AFF1: variants seen among roughly 807,000 people sequenced by gnomAD.
AFF1 encodes AF4/FMR2 family member 1.
A neutral mutation model predicts 121.7 loss-of-function variants in AFF1; 48 were observed. That is an observed-to-expected ratio of 0.39 (90% CI 0.31 to 0.50). AFF1 has a LOEUF of 0.50. Among genes scored for constraint, AFF1 ranks in the 20% least tolerant of loss-of-function variants. The pLI is 0.76. For missense variants in AFF1, 1,523 were observed against 1,511.7 expected (o/e 1.01, Z -0.12); for synonymous variants, 613 against 563.0 (o/e 1.09, Z -1.26).
chr4:87,106,335 A>G (rs914633794), intron 10 of AFF1, among the ~76,000 whole-genome samples: 4 of 152,240 alleles, frequency 2.6e-5, no homozygotes, highest in Non-Finnish European at 1.5e-5. Flanking sequence ...GTGAGCTGAA[A>G]TCGTGCCACT....
At position 87,114,356 on chromosome 4, in the gene AFF1, C is replaced by T; in HGVS notation, c.1534-11C>T. 3.8e-6 allele frequency: 6 copies of T among 1,576,802 alleles called. No individual in the cohort carries two copies. Among genetic ancestry groups the T allele is most frequent in the Non-Finnish European group, 5.1e-6 (6 of 1,168,952 alleles). Reference sequence around the variant, plus strand: ...GTCAGTTAACACTTTTCTTTCTTTCCTTATTTTTAGCCTGAGCCTCCAACA... The same window carrying T: ...GTCAGTTAACACTTTTCTTTCTTTCTTTATTTTTAGCCTGAGCCTCCAACA... On this transcript the variant is annotated splice_polypyrimidine_tract_variant and intron_variant, in intron 11 of 20. Transcript: ENST00000395146.
intron 1 of AFF1, among the ~76,000 whole-genome samples, chr4:86,939,748 A>G (rs1324323399): frequency 6.6e-6 from 1 of 152,222 alleles, no homozygotes; most frequent in Non-Finnish European, 1.5e-5. Context: ...TCTCAGACCT[A>G]TAATGTACTC....
Position 87,111,118 on chromosome 4 carries a change from C to T in AFF1, c.1533+2803C>T, listed in dbSNP as rs1394744987. On this transcript the variant is annotated intron_variant, in intron 11 of 20. Coordinates refer to ENST00000395146, the MANE Select transcript of AFF1 (RefSeq NM_001166693.3). ...CGCCTCCCGGGTTCACGCCATTCTCCTGCCTCAGCCTCCCGAGTAGCTGGG... is the reference window on the plus strand; with the variant it reads ...CGCCTCCCGGGTTCACGCCATTCTCTTGCCTCAGCCTCCCGAGTAGCTGGG... Among the ~76,000 whole-genome samples the T allele has an allele frequency of 2.3e-5, 2 of 85,580 alleles. 1 individual carries two copies. Among genetic ancestry groups the T allele is most frequent in the Non-Finnish European group, 5.1e-5 (2 of 39,490 alleles). 56.1% of individuals were successfully genotyped at this position (85,580 alleles called of 152,430 possible).
At chr4:86,984,470 C>T (rs1222642127) in intron 2 of AFF1, among the ~76,000 whole-genome samples, 4 of 152,042 alleles carry the variant, frequency 2.6e-5, no homozygotes, top group South Asian at 2.1e-4. Context: ...ACTAGGCGCA[C>T]GTCACCATGT....
chr4:87,129,100 A>T (rs1236911158), intron 16 of AFF1, among the ~76,000 whole-genome samples: 1 of 152,190 alleles, frequency 6.6e-6, no homozygotes, highest in Non-Finnish European at 1.5e-5. Flanking sequence ...TGTACATCCC[A>T]GTGTGCCAGG....
intron 10 of AFF1, among the ~76,000 whole-genome samples, chr4:87,107,729 G>A (rs1726061949): frequency 6.6e-6 from 1 of 152,200 alleles, no homozygotes; most frequent in South Asian, 2.1e-4. Context: ...GGCCATATAT[G>A]TCTCTATTGC....
chr4:87,047,106 GACC>G lies in AFF1; in HGVS notation c.574_576del (p.His192del). 6.2e-7 allele frequency: 1 copy of G among 1,614,188 alleles called. No individual in the cohort carries two copies. The highest frequency in any genetic ancestry group is 8.5e-7 in the Non-Finnish European group (1 of 1,180,042). ...GAAAGGTGACCGAAGAGCTGACGGA[GACC>G]ACTGTGCTTCGGTGACAGATTCGGC... On this transcript the variant is annotated inframe_deletion, in exon 4 of 21. Coordinates refer to ENST00000395146, the MANE Select transcript of AFF1 (RefSeq NM_001166693.3).
chr4:87,112,720 T>C (rs184136984), intron 11 of AFF1, among the ~76,000 whole-genome samples: 78 of 152,360 alleles, frequency 5.1e-4, no homozygotes, highest in African/African-American at 1.8e-3. Context: ...TACCGGAGTG[T>C]TCTCCTTATC....
At chr4:87,113,943 G>A (rs1461700028) in intron 11 of AFF1, among the ~76,000 whole-genome samples, 1 of 152,134 alleles carries the variant, frequency 6.6e-6, no homozygotes. Flanking sequence ...AGGATAAAAT[G>A]TGAGCCCACT....
chr4:87,008,192 A>G (rs536675186), intron 2 of AFF1, among the ~76,000 whole-genome samples: 1 of 152,332 alleles, frequency 6.6e-6, no homozygotes, highest in South Asian at 2.1e-4. Context: ...GGAGTTATAT[A>G]TACATTCTCT....
At chr4:87,026,872 T>C (rs987963881) in intron 2 of AFF1, among the ~76,000 whole-genome samples, 1 of 152,204 alleles carries the variant, frequency 6.6e-6, no homozygotes, top group Non-Finnish European at 1.5e-5. Flanking sequence ...AATAGAACCA[T>C]AGACTCAATC....
intron 2 of AFF1, among the ~76,000 whole-genome samples, chr4:87,040,545 G>A (rs1328032464): frequency 1.3e-5 from 2 of 150,314 alleles, no homozygotes; most frequent in African/African-American, 2.5e-5. Context: ...CCATTTGTGA[G>A]CAAGTCAATC....
At chr4:86,951,703 A>G (rs1326566667) in intron 2 of AFF1, among the ~76,000 whole-genome samples, 1 of 142,892 alleles carries the variant, frequency 7.0e-6, no homozygotes, top group African/African-American at 2.7e-5. Context: ...GCTCACTACA[A>G]CCTCCACCTC....
intron 2 of AFF1, among the ~76,000 whole-genome samples, chr4:87,040,944 C>T (rs1346657711): frequency 7.7e-6 from 1 of 129,944 alleles, no homozygotes; most frequent in Admixed American, 8.9e-5. Flanking sequence ...GGCATGATCT[C>T]GGCTCAGTGC....
rs1729579576 is a variant in AFF1, at chr4:87,139,812, A to G, written c.*4111A>G. ...GATATTGCCACCATGTGAACCTCAA[A>G]TATGCAATCCAGTTGTGTTGGTTTC... On this transcript the variant is annotated 3_prime_UTR_variant, in exon 21 of 21. Transcript: ENST00000395146. 4.4e-6 allele frequency: 1 copy of G among 225,274 alleles called. No homozygotes were observed. Among genetic ancestry groups the G allele is most frequent in the Non-Finnish European group, 8.8e-6 (1 of 113,508 alleles). The allele number at this position is 225,274 out of a possible 1,614,324, so 14.0% of individuals were successfully genotyped here. A position where few individuals can be genotyped will look rare whatever the true frequency, so the allele number is the denominator to read the frequency against.
chr4:87,013,515 G>A (rs1185128874), intron 2 of AFF1, among the ~76,000 whole-genome samples: 2 of 152,068 alleles, frequency 1.3e-5, no homozygotes, highest in Non-Finnish European at 2.9e-5. Flanking sequence ...TTTTCAAAGG[G>A]CACTCACTGT....
At chr4:86,991,171 G>A (rs923134731) in intron 2 of AFF1, among the ~76,000 whole-genome samples, 2 of 151,978 alleles carry the variant, frequency 1.3e-5, no homozygotes, top group Admixed American at 1.3e-4. Flanking sequence ...AAAAACCGGC[G>A]CAGTGGCTCA....
intron 2 of AFF1, among the ~76,000 whole-genome samples, chr4:86,996,245 C>T (rs1404327151): frequency 3.3e-5 from 5 of 151,748 alleles, no homozygotes; most frequent in African/African-American, 4.8e-5. Context: ...TCATTGAGAA[C>T]GGGCCATGAT....
intron 15 of AFF1, 118 bp from the exon 16 acceptor site, chr4:87,127,525 T>C (rs1728401707): frequency 1.1e-6 from 1 of 884,984 alleles, no homozygotes; most frequent in Non-Finnish European, 1.8e-6. Flanking sequence ...TCCTTCTTTG[T>C]TTACCCTCTC....
Sources: gnomAD v4.1 joint callset for allele counts (sites outside exome capture counted in the v4.1 genomes callset) on GRCh38, gnomAD v4.1.1 for gene constraint, MANE v1.5 for transcripts, NCBI Gene and HGNC (gene_info 2026-07-23, HGNC 2026-07-21) for gene names.